The following CARMIL1 variants were observed in gnomAD, a reference collection of about 807,000 sequenced individuals.
CARMIL1 encodes capping protein regulator and myosin 1 linker 1.
Under a neutral mutation model 177.1 loss-of-function variants are expected in CARMIL1, and 90 were observed. The observed-to-expected ratio is 0.51, with a 90% CI of 0.43 to 0.61. CARMIL1 has a LOEUF of 0.61. CARMIL1 is among the 20% of genes least tolerant of loss of function. The pLI, the probability that CARMIL1 is intolerant of heterozygous loss-of-function variation, is 0.00. For synonymous variants in CARMIL1, 577 were observed against 606.2 expected (o/e 0.95, Z 0.71); for missense variants, 1,380 against 1,667.0 (o/e 0.83, Z 3.00).
At chr6:25,351,944 G>A (rs1307338005) in intron 2 of CARMIL1, among the ~76,000 whole-genome samples, 3 of 152,082 alleles carry the variant, frequency 2.0e-5, no homozygotes, top group Non-Finnish European at 4.4e-5. Context: ...TTTTGCTTCT[G>A]TGGTGTGATA....
chr6:25,285,841 A>G lies in CARMIL1; in HGVS notation c.138+932A>G, dbSNP rs144907211. Among the ~76,000 whole-genome samples, 1,299 of 151,722 alleles carry G rather than the reference A, an allele frequency of 8.6e-3. 15 individuals carry two copies. Among genetic ancestry groups the G allele is most frequent in the African/African-American group, 0.023 (955 of 41,340 alleles). On this transcript the variant is annotated intron_variant, in intron 2 of 36. Coordinates refer to ENST00000329474, the MANE Select transcript of CARMIL1 (RefSeq NM_017640.6). ...TCTGGAGAATTTTAAAACAAATCCCAGGTATGTTATTGAAAGAGTATAATT... is the reference window on the plus strand; with the variant it reads ...TCTGGAGAATTTTAAAACAAATCCCGGGTATGTTATTGAAAGAGTATAATT...
chr6:25,443,690 T>C (rs1211509880), intron 5 of CARMIL1, among the ~76,000 whole-genome samples: 1 of 152,252 alleles, frequency 6.6e-6, no homozygotes. Context: ...AACAGTCACC[T>C]GAGCCTTCAG....
At chr6:25,594,670 C>G (rs753837162) in intron 32 of CARMIL1, 143 bp downstream of exon 32, 1 of 579,954 alleles carries the variant, frequency 1.7e-6, no homozygotes, top group South Asian at 2.2e-5. Flanking sequence ...GTCTCTGGGC[C>G]GGCAATACCA....
At chr6:25,369,197 T>C (rs1275463011) in intron 2 of CARMIL1, among the ~76,000 whole-genome samples, 1 of 152,194 alleles carries the variant, frequency 6.6e-6, no homozygotes, top group Non-Finnish European at 1.5e-5. Context: ...GATCCTGTTC[T>C]AGGGAACGCT....
intron 9 of CARMIL1, among the ~76,000 whole-genome samples, chr6:25,468,016 T>C (rs1360967415): frequency 6.6e-6 from 1 of 152,194 alleles, no homozygotes; most frequent in Non-Finnish European, 1.5e-5. Context: ...TTGGATTTTG[T>C]AAACATGAAG....
rs571231592 is a variant in CARMIL1, at chr6:25,307,079, C to T, written c.138+22170C>T. Among the ~76,000 whole-genome samples the T allele has an allele frequency of 3.1e-4, 47 of 152,178 alleles. No homozygotes were observed. In the East Asian group the frequency reaches 6.4e-3, roughly 21 times the overall value. ...TATTTTTAGTAGAGACAGGTTTTCA[C>T]CATGTTGGCCAGGCTGGTCTCGAAC... On this transcript the variant is annotated intron_variant, in intron 2 of 36. Transcript: ENST00000329474.
intron 2 of CARMIL1, among the ~76,000 whole-genome samples, chr6:25,385,853 C>T (rs1158480967): frequency 1.3e-5 from 2 of 152,208 alleles, no homozygotes; most frequent in Non-Finnish European, 2.9e-5. Flanking sequence ...ATTTTCTGCT[C>T]ATTAGCACCT....
chr6:25,535,168 C>T (rs1227950626), intron 24 of CARMIL1, among the ~76,000 whole-genome samples: 1 of 152,068 alleles, frequency 6.6e-6, no homozygotes, highest in African/African-American at 2.4e-5. Flanking sequence ...TCTGTGCTTT[C>T]CAGTCCACTC....
chr6:25,369,204 C>T (rs752038210), intron 2 of CARMIL1, among the ~76,000 whole-genome samples: 16 of 152,058 alleles, frequency 1.1e-4, no homozygotes, highest in Non-Finnish European at 1.5e-4. Flanking sequence ...TTCTAGGGAA[C>T]GCTTCTTGGA....
At chr6:25,423,267 C>T (rs115178166) in intron 3 of CARMIL1, among the ~76,000 whole-genome samples, 2,100 of 152,230 alleles carry the variant, frequency 0.014, 51 homozygotes, top group African/African-American at 0.045. Context: ...ATGCACAAAA[C>T]GGACATGTGC....
chr6:25,551,207 C>A, intron 27 of CARMIL1, 122 bp downstream of exon 27: 1 of 692,546 alleles, frequency 1.4e-6, no homozygotes, highest in Non-Finnish European at 2.4e-6. Flanking sequence ...GTTTAATAGG[C>A]AGAAACTGTA....
At chr6:25,481,550 A>T (rs1394182465) in intron 11 of CARMIL1, among the ~76,000 whole-genome samples, 1 of 152,182 alleles carries the variant, frequency 6.6e-6, no homozygotes, top group Non-Finnish European at 1.5e-5. Context: ...AGGTCAGTTG[A>T]AGGACCTGTA....
At position 25,420,099 on chromosome 6, in the gene CARMIL1, G is replaced by A; in HGVS notation, c.139-15G>A. On this transcript the variant is annotated splice_polypyrimidine_tract_variant and intron_variant, in intron 2 of 36. Transcript: ENST00000329474. ...TTTTGGTGCTTATACTGATGCTGCT[G>A]CTTCTGTCTTACAGGTCCTTACATC... The A allele has an allele frequency of 6.2e-7, 1 of 1,609,506 alleles. No homozygotes were observed. Among genetic ancestry groups the A allele is most frequent in the Non-Finnish European group, 8.5e-7 (1 of 1,175,922 alleles).
chr6:25,561,902 T>C (rs1811154243), intron 29 of CARMIL1, among the ~76,000 whole-genome samples: 1 of 152,232 alleles, frequency 6.6e-6, no homozygotes, highest in Non-Finnish European at 1.5e-5. Context: ...ACTTTTTAAC[T>C]AGTAGAAAGC....
intron 2 of CARMIL1, among the ~76,000 whole-genome samples, chr6:25,344,670 T>G (rs1224798071): frequency 6.6e-6 from 1 of 152,040 alleles, no homozygotes; most frequent in Non-Finnish European, 1.5e-5. Flanking sequence ...ACATCCATGG[T>G]CTCCTTACAC....
At chr6:25,395,178 C>T (rs904269400) in intron 2 of CARMIL1, among the ~76,000 whole-genome samples, 1 of 152,162 alleles carries the variant, frequency 6.6e-6, no homozygotes, top group East Asian at 1.9e-4. Flanking sequence ...TATTTCTGTG[C>T]GTTGCTGTCC....
At chr6:25,378,245 C>T (rs1055647943) in intron 2 of CARMIL1, among the ~76,000 whole-genome samples, 6 of 152,194 alleles carry the variant, frequency 3.9e-5, no homozygotes, top group Non-Finnish European at 8.8e-5. Context: ...CACAGTGTAC[C>T]ACTAGCAGCA....
rs1165740953 is a variant in CARMIL1, at chr6:25,279,634, G to T, written c.-162G>T. On this transcript the variant is annotated 5_prime_UTR_variant, in exon 1 of 37. Coordinates refer to ENST00000329474, the MANE Select transcript of CARMIL1 (RefSeq NM_017640.6). The stretch of plus-strand genomic sequence containing the variant: ...CTCTTTTTTTTTTTTTTGGTGGGGC[G>T]GGGGGCGCGCGGCAAAATTCTGTCT... 9 of 650,068 alleles carry T rather than the reference G, an allele frequency of 1.4e-5. No individual in the cohort carries two copies. In the Admixed American group the frequency reaches 2.3e-4, roughly 17 times the overall value. 40.3% of individuals were successfully genotyped at this position (650,068 alleles called of 1,614,324 possible).
At chr6:25,563,134 A>G in intron 29 of CARMIL1, 1 of 622,814 alleles carries the variant, frequency 1.6e-6, no homozygotes, top group South Asian at 7.1e-5. Flanking sequence ...GCTCCTGGGT[A>G]TAGTACAGTA....
Sources: allele counts gnomAD v4.1 joint callset (sites outside exome capture counted in the v4.1 genomes callset), GRCh38; gene constraint gnomAD v4.1.1; transcripts MANE v1.5; gene names NCBI Gene and HGNC (gene_info 2026-07-23, HGNC 2026-07-21).